The following SPATA17 variants were observed in gnomAD, a reference collection of about 807,000 sequenced individuals.
The protein encoded by SPATA17 is spermatogenesis-associated protein 17.
Under a neutral mutation model 62.2 loss-of-function variants are expected in SPATA17, and 53 were observed. The observed-to-expected ratio is 0.85, with a 90% CI of 0.68 to 1.07. SPATA17 has a LOEUF of 1.07. Ranked by LOEUF, SPATA17 falls within the 50% of genes least tolerant of loss-of-function variation. The pLI is 0.00. For missense variants in SPATA17, 466 were observed against 425.5 expected (o/e 1.10, Z -0.84); for synonymous variants, 146 against 146.8 (o/e 0.99, Z 0.04).
chr1:217,682,231 A>ATAGCAAAGATATTTATAT (rs1447779619), intron 4 of SPATA17, among the ~76,000 whole-genome samples: 2 of 152,074 alleles, frequency 1.3e-5, no homozygotes, highest in Non-Finnish European at 2.9e-5. Context: ...ATTAGAAAAT[A>ATAGCAAAGATATTTATAT]TAGCAAAGAT....
intron 9 of SPATA17, among the ~76,000 whole-genome samples, chr1:217,836,584 A>C (rs1675264711): frequency 1.3e-5 from 2 of 152,160 alleles, no homozygotes; most frequent in Non-Finnish European, 2.9e-5. Context: ...TCCAAGTGAC[A>C]AATCAACTCT....
chr1:217,825,591 T>C (rs1558066566), intron 9 of SPATA17, among the ~76,000 whole-genome samples: 1 of 151,944 alleles, frequency 6.6e-6, no homozygotes, highest in Non-Finnish European at 1.5e-5. Context: ...TATATGTAAT[T>C]ATATAACATA....
At chr1:217,736,681 T>G (rs1672515930) in intron 5 of SPATA17, among the ~76,000 whole-genome samples, 1 of 152,194 alleles carries the variant, frequency 6.6e-6, no homozygotes, top group African/African-American at 2.4e-5. Flanking sequence ...CAGGGACCAA[T>G]GCTGAAAGGC....
chr1:217,676,052 G>A (rs538077250), intron 4 of SPATA17, among the ~76,000 whole-genome samples: 8 of 152,196 alleles, frequency 5.3e-5, no homozygotes, highest in African/African-American at 1.4e-4. Context: ...TACATTTCAC[G>A]CAGGAATTCT....
At chr1:217,654,957 G>A (rs568728358) in intron 3 of SPATA17, among the ~76,000 whole-genome samples, 3 of 152,070 alleles carry the variant, frequency 2.0e-5, no homozygotes, top group Admixed American at 6.6e-5. Flanking sequence ...TGATATGCCC[G>A]CCTTGGCCTC....
Position 217,868,743 on chromosome 1 carries a change from G to A in SPATA17, c.*1724G>A, listed in dbSNP as rs898432715. On this transcript the variant is annotated 3_prime_UTR_variant, in exon 11 of 11. Transcript: ENST00000366933. ...CACCCAGGTTGGAGTGCAGTGGCAT[G>A]AACTCAGCTCACTGCAACCTTCACC... The A allele has an allele frequency of 7.3e-6, 1 of 136,482 alleles. No individual in the cohort carries two copies. The highest frequency in any genetic ancestry group is 2.7e-5 in the African/African-American group (1 of 36,652). 8.5% of individuals were successfully genotyped at this position (136,482 alleles called of 1,614,324 possible). A position where few individuals can be genotyped will look rare whatever the true frequency, so the allele number is the denominator to read the frequency against.
chr1:217,659,187 A>AACACACACACACACAC (rs10546517), intron 3 of SPATA17, among the ~76,000 whole-genome samples: 1 of 144,550 alleles, frequency 6.9e-6, no homozygotes, highest in African/African-American at 2.5e-5. Context: ...TGCCCATCAA[A>AACACACACACACACAC]ACACACACAC....
chr1:217,788,997 A>G (rs1348233365), intron 8 of SPATA17, among the ~76,000 whole-genome samples: 2 of 152,190 alleles, frequency 1.3e-5, no homozygotes, highest in Non-Finnish European at 2.9e-5. Flanking sequence ...TAGGGATTCA[A>G]GAGTCTTCCA....
intron 5 of SPATA17, among the ~76,000 whole-genome samples, chr1:217,704,580 TC>T (rs1671689981): frequency 6.6e-6 from 1 of 152,124 alleles, no homozygotes; most frequent in South Asian, 2.1e-4. Flanking sequence ...GTCTCTGAAG[TC>T]TGTTGTTCCC....
At position 217,868,756 on chromosome 1, in the gene SPATA17, T is replaced by C. The variant is rs1676072005; in HGVS notation, c.*1737T>C. On this transcript the variant is annotated 3_prime_UTR_variant, in exon 11 of 11. Coordinates refer to ENST00000366933, the MANE Select transcript of SPATA17 (RefSeq NM_138796.4). ...GTGCAGTGGCATGAACTCAGCTCAC[T>C]GCAACCTTCACCTCCCAGGCTCAAG... is the stretch of plus-strand genomic sequence containing the variant. 6.8e-6 allele frequency: 1 copy of C among 147,304 alleles called. No homozygotes were observed. The highest frequency in any genetic ancestry group is 2.2e-4 in the South Asian group (1 of 4,524). The allele number at this position is 147,304 out of a possible 1,614,324, so 9.1% of individuals were successfully genotyped here.
chr1:217,806,598 T>C (rs1290191573), intron 9 of SPATA17, among the ~76,000 whole-genome samples: 1 of 152,180 alleles, frequency 6.6e-6, no homozygotes, highest in Admixed American at 6.5e-5. Context: ...TGGTATAATC[T>C]CATCTCTGTT....
chr1:217,680,243 G>A (rs1671046735), intron 4 of SPATA17, among the ~76,000 whole-genome samples: 1 of 152,066 alleles, frequency 6.6e-6, no homozygotes, highest in Non-Finnish European at 1.5e-5. Flanking sequence ...ATGACCTTAG[G>A]CAATTAGTTA....
chr1:217,663,100 G>T (rs1391453448), intron 3 of SPATA17, among the ~76,000 whole-genome samples: 4 of 152,096 alleles, frequency 2.6e-5, no homozygotes, highest in Non-Finnish European at 5.9e-5. Flanking sequence ...CTGGGAGAAA[G>T]AATATAATTG....
At chr1:217,738,689 C>A (rs1249446447) in intron 5 of SPATA17, among the ~76,000 whole-genome samples, 1 of 152,218 alleles carries the variant, frequency 6.6e-6, no homozygotes, top group African/African-American at 2.4e-5. Context: ...CGATGGCTCA[C>A]GCCTGCAATC....
chr1:217,696,741 C>T (rs1372001357), intron 5 of SPATA17, among the ~76,000 whole-genome samples: 3 of 152,102 alleles, frequency 2.0e-5, no homozygotes, highest in Admixed American at 6.6e-5. Flanking sequence ...AGTAGCTGGA[C>T]TTCATCTATA....
intron 8 of SPATA17, among the ~76,000 whole-genome samples, chr1:217,782,794 G>A (rs1673761667): frequency 1.3e-5 from 2 of 148,318 alleles, no homozygotes; most frequent in South Asian, 2.2e-4. Context: ...AAAAGATGAA[G>A]AATCATTTAA....
At chr1:217,724,703 T>C (rs971906726) in intron 5 of SPATA17, among the ~76,000 whole-genome samples, 2 of 152,216 alleles carry the variant, frequency 1.3e-5, no homozygotes, top group Non-Finnish European at 2.9e-5. Context: ...CTTTTGTTAA[T>C]AATTTCTAAT....
At chr1:217,756,683 AT>A (rs1673052040) in intron 6 of SPATA17, among the ~76,000 whole-genome samples, 1 of 152,172 alleles carries the variant, frequency 6.6e-6, no homozygotes, top group African/African-American at 2.4e-5. Context: ...GGAAGAGACA[AT>A]TCAGATGCAA....
chr1:217,704,267 G>T (rs1285466764), intron 5 of SPATA17, among the ~76,000 whole-genome samples: 1 of 47,662 alleles, frequency 2.1e-5, no homozygotes, highest in Non-Finnish European at 5.3e-5. Flanking sequence ...TTTTTGAGAC[G>T]GAGTCTCGCT....
Sources: gnomAD v4.1 joint callset for allele counts (sites outside exome capture counted in the v4.1 genomes callset) on GRCh38, gnomAD v4.1.1 for gene constraint, MANE v1.5 for transcripts, NCBI Gene and HGNC (gene_info 2026-07-23, HGNC 2026-07-21) for gene names.